The following SAMMSON variants were observed in gnomAD, a reference collection of about 807,000 sequenced individuals.
SAMMSON encodes the protein survival associated mitochondrial melanoma specific oncogenic non-coding RNA.
chr3:70,117,209 T>C (rs2067415559), intron 4 of SAMMSON, among the ~76,000 whole-genome samples: 1 of 152,220 alleles, frequency 6.6e-6, no homozygotes, highest in Non-Finnish European at 1.5e-5. Context: ...GATTTTGAAC[T>C]GCTTCATTAA....
At chr3:70,328,672 G>C (rs1454523306) in intron 7 of SAMMSON, among the ~76,000 whole-genome samples, 2 of 152,178 alleles carry the variant, frequency 1.3e-5, no homozygotes, top group Non-Finnish European at 2.9e-5. Flanking sequence ...GCATCAGTGA[G>C]TGGTGAACAA....
At chr3:70,278,240 T>C (rs9682662) in intron 6 of SAMMSON, among the ~76,000 whole-genome samples, 1 of 152,168 alleles carries the variant, frequency 6.6e-6, no homozygotes, top group Non-Finnish European at 1.5e-5. Context: ...GAAAGATTCA[T>C]TTACATTCTT....
intron 9 of SAMMSON, among the ~76,000 whole-genome samples, chr3:70,375,519 G>A (rs145072463): frequency 0.013 from 1,972 of 151,984 alleles, 17 homozygotes; most frequent in Non-Finnish European, 0.02. Flanking sequence ...TGATGGTGTG[G>A]GAGTTGGGAG....
chr3:70,393,827 G>A (rs35200842), downstream of SAMMSON, among the ~76,000 whole-genome samples: 15,337 of 152,124 alleles, frequency 0.1, 893 homozygotes, highest in East Asian at 0.27. Flanking sequence ...GTCTGGGGCT[G>A]GCCAGAGCAG....
intron 4 of SAMMSON, among the ~76,000 whole-genome samples, chr3:70,119,903 T>C (rs1044411981): frequency 6.6e-6 from 1 of 152,246 alleles, no homozygotes; most frequent in Non-Finnish European, 1.5e-5. Context: ...ATTTTAAATG[T>C]AATAGAATTT....
chr3:70,191,003 G>A (rs933485924), intron 4 of SAMMSON, among the ~76,000 whole-genome samples: 8 of 152,224 alleles, frequency 5.3e-5, no homozygotes, highest in African/African-American at 1.7e-4. Flanking sequence ...AATTGGACAC[G>A]TTAATGCAGC....
chr3:70,066,717 G>A (rs2067211464), intron 3 of SAMMSON, among the ~76,000 whole-genome samples: 2 of 152,020 alleles, frequency 1.3e-5, no homozygotes, highest in South Asian at 4.1e-4. Context: ...TTAATGTCAG[G>A]GATTTAAATT....
intron 3 of SAMMSON, chr3:70,069,667 A>ACTCATGACCTCACTCGGTC (rs1293283804): frequency 1.3e-5 from 2 of 152,000 alleles, no homozygotes; most frequent in African/African-American, 4.8e-5. Context: ...AGGGCTTTAC[A>ACTCATGACCTCACTCGGTC]CTCATGACCT....
intron 4 of SAMMSON, among the ~76,000 whole-genome samples, chr3:70,104,091 G>A (rs1576122752): frequency 6.6e-6 from 1 of 151,164 alleles, no homozygotes; most frequent in South Asian, 2.1e-4. Context: ...TGGTGTTCAA[G>A]TCAGAAGATC....
intron 6 of SAMMSON, among the ~76,000 whole-genome samples, chr3:70,257,466 A>G (rs559370808): frequency 6.6e-6 from 1 of 152,178 alleles, no homozygotes; most frequent in East Asian, 1.9e-4. Flanking sequence ...GAGCTGTAAG[A>G]TGGACAAAGA....
chr3:70,397,066 T>A (rs1701098954), intron 2 of SAMMSON, among the ~76,000 whole-genome samples: 1 of 152,124 alleles, frequency 6.6e-6, no homozygotes, highest in Non-Finnish European at 1.5e-5. Flanking sequence ...CAAAAAACAG[T>A]TTCAGATTGT....
At chr3:70,281,503 C>G (rs1702082861) in intron 6 of SAMMSON, among the ~76,000 whole-genome samples, 1 of 152,142 alleles carries the variant, frequency 6.6e-6, no homozygotes, top group South Asian at 2.1e-4. Flanking sequence ...TCCTTAAAGT[C>G]TCTTTAATAG....
At chr3:70,213,192 A>G (rs901116917) in intron 4 of SAMMSON, among the ~76,000 whole-genome samples, 1 of 151,926 alleles carries the variant, frequency 6.6e-6, no homozygotes, top group African/African-American at 2.4e-5. Flanking sequence ...AGGCTGGACT[A>G]GAGCTCCTGG....
chr3:70,105,041 C>T (rs958864298), intron 4 of SAMMSON, among the ~76,000 whole-genome samples: 1 of 152,052 alleles, frequency 6.6e-6, no homozygotes, highest in Non-Finnish European at 1.5e-5. Flanking sequence ...GCCAAGCACC[C>T]TTTCTCAAGG....
At chr3:70,251,206 C>G (rs1249654369) in intron 6 of SAMMSON, among the ~76,000 whole-genome samples, 1 of 152,180 alleles carries the variant, frequency 6.6e-6, no homozygotes, top group African/African-American at 2.4e-5. Context: ...TCCTCAGGTT[C>G]TGTGGTTATT....
chr3:70,396,173 T>C (rs139531084), intron 2 of SAMMSON, among the ~76,000 whole-genome samples: 9 of 152,240 alleles, frequency 5.9e-5, no homozygotes, highest in Admixed American at 1.3e-4. Flanking sequence ...ATTTTCTCCA[T>C]ATATGAAAGA....
At chr3:70,325,251 T>C (rs1314010762) in intron 7 of SAMMSON, among the ~76,000 whole-genome samples, 2 of 152,168 alleles carry the variant, frequency 1.3e-5, no homozygotes, top group Non-Finnish European at 2.9e-5. Context: ...CATTCTGTTA[T>C]GCAGGAAACA....
chr3:70,370,567 A>G (rs576532400), intron 9 of SAMMSON, among the ~76,000 whole-genome samples: 4 of 152,238 alleles, frequency 2.6e-5, no homozygotes, highest in Non-Finnish European at 5.9e-5. Context: ...AGTGATGGTG[A>G]GCATTTTTTC....
chr3:70,107,355 A>G (rs1334570391), intron 4 of SAMMSON, among the ~76,000 whole-genome samples: 1 of 152,112 alleles, frequency 6.6e-6, no homozygotes, highest in African/African-American at 2.4e-5. Flanking sequence ...GGAAGGTTTG[A>G]GAAAATATAT....
Sources: gnomAD v4.1 joint callset for allele counts (sites outside exome capture counted in the v4.1 genomes callset) on GRCh38, gnomAD v4.1.1 for gene constraint, MANE v1.5 for transcripts, NCBI Gene and HGNC (gene_info 2026-07-23, HGNC 2026-07-21) for gene names.